Variants in STAB1 observed in about 807,000 individuals in gnomAD.
STAB1 encodes stabilin-1.
In STAB1, 250 loss-of-function variants were observed where a neutral mutation model predicts 332.4. The ratio of observed to expected loss-of-function variants is 0.75; its 90% CI spans 0.68 to 0.84. The LOEUF (loss-of-function observed/expected upper bound fraction) is 0.84, where lower values mean the gene tolerates loss of function less well. STAB1 is among the 40% of genes least tolerant of loss of function. STAB1 has a pLI of 0.00. For missense variants in STAB1, 3,249 were observed against 3,489.7 expected, an observed-to-expected ratio of 0.93 and a Z score of 1.74; for synonymous variants, 1,475 against 1,390.4, an observed-to-expected ratio of 1.06 and a Z score of -1.35.
At chr3:52,504,279 C>A in intron 10 of STAB1, 124 bp downstream of exon 10, 1 of 1,472,108 alleles carries the variant, frequency 6.8e-7, no homozygotes, top group Non-Finnish European at 9.1e-7. Flanking sequence ...AAACAGGTGG[C>A]TGTGGGGGGT....
intron 2 of STAB1, 132 bp downstream of exon 2, chr3:52,501,434 G>T: frequency 7.1e-7 from 1 of 1,402,878 alleles, no homozygotes. Flanking sequence ...CCACCTGGGT[G>T]GTGGAGATAG....
Position 52,502,722 on chromosome 3 carries a change from A to G in STAB1, c.578A>G (p.Asp193Gly). 1 of 1,613,190 alleles carries G rather than the reference A, an allele frequency of 6.2e-7. No homozygotes were observed. Among genetic ancestry groups the G allele is most frequent in the Admixed American group, 1.7e-5 (1 of 60,012 alleles). The change falls in exon 6 of 69, where the codon GAT becomes GGT. Residue 193 changes from aspartate (D) to glycine (G), a missense_variant. Coordinates refer to ENST00000321725, the MANE Select transcript of STAB1 (RefSeq NM_015136.3). ...GCTGGATACACTGGCCCCCACTGTG[A>G]TCAAGGTGAGCAGCGCCACTGGGAT... ...CFAGYTGPHCDQELPVCQELR... is the reference protein window; with the variant it reads ...CFAGYTGPHCGQELPVCQELR...
In STAB1 at chr3:52,522,668, C is replaced by T; in HGVS notation, c.6724C>T (p.Gln2242Ter). The T allele has an allele frequency of 6.2e-7, 1 of 1,612,970 alleles. No individual in the cohort carries two copies. Among genetic ancestry groups the T allele is most frequent in the Non-Finnish European group, 8.5e-7 (1 of 1,180,036 alleles). Reference protein sequence around the residue: ...AQGAVLASFPQLSAAQQLGFH... With the variant: ...AQGAVLASFP ...GGGAGCCGTCCTTGCTTCATTCCCT[C>T]AGCTCTCTGCTGCCCAGCAGGTGTG... is the stretch of plus-strand genomic sequence containing the variant. Residue 2242 changes from glutamine (Q) to a stop codon, truncating the protein, a stop_gained, in exon 61 of 69, where the codon CAG (glutamine) becomes TAG (stop). Coordinates refer to ENST00000321725, the MANE Select transcript of STAB1 (RefSeq NM_015136.3). LOFTEE classifies it high-confidence loss of function.
chr3:52,517,521 G>A, intron 43 of STAB1, 29 bp from the exon 44 acceptor site: 1 of 1,609,576 alleles, frequency 6.2e-7, no homozygotes. Context: ...TTGGCTCCCA[G>A]CAGCCCCACT....
Position 52,519,523 on chromosome 3 carries a change from GC to G in STAB1, c.5197del (p.Gln1733ArgfsTer12), listed in dbSNP as rs748350768. 1 of 1,613,284 alleles carries G rather than the reference GC, an allele frequency of 6.2e-7. No homozygotes were observed. Among genetic ancestry groups the G allele is most frequent in the East Asian group, 2.2e-5 (1 of 44,884 alleles). ...PIPRRNVTAA[A>X]QGFGYKIFSG... ...TCCTCAGAGAAATGTCACCGCCGCC[GC>G]CCAGGGCTTCGGTTACAAGATCTTC... is the stretch of plus-strand genomic sequence containing the variant. On this transcript the variant is annotated frameshift_variant, in exon 50 of 69. Transcript: ENST00000321725. LOFTEE classifies it high-confidence loss of function.
chr3:52,503,855 C>T lies in STAB1; in HGVS notation c.975C>T (p.Ser325=), dbSNP rs1196872337. The change falls in exon 9 of 69, where the codon TCC becomes TCT. Residue 325 remains serine, a synonymous_variant. Coordinates refer to ENST00000321725, the MANE Select transcript of STAB1 (RefSeq NM_015136.3). Reference sequence around the variant, plus strand: ...GCTTCGCCTTCTGCTCCCCCTTCTCCTGCGACCGGTCTGCCACTTGCCAGG... The same window carrying T: ...GCTTCGCCTTCTGCTCCCCCTTCTCTTGCGACCGGTCTGCCACTTGCCAGG... The part of the protein sequence containing the change: ...AGCFAFCSPF[S]CDRSATCQVT... The T allele has an allele frequency of 1.2e-6, 2 of 1,613,264 alleles. No individual in the cohort carries two copies. The highest frequency in any genetic ancestry group is 2.2e-5 in the South Asian group (2 of 91,080).
intron 1 of STAB1, among the ~76,000 whole-genome samples, chr3:52,496,715 G>A (rs554175090): frequency 4.6e-5 from 7 of 152,324 alleles, no homozygotes; most frequent in African/African-American, 7.2e-5. Flanking sequence ...AAAGGCCTCC[G>A]CCACCTCCTC....
chr3:52,515,625 G>A (rs2078837721), intron 37 of STAB1, 119 bp downstream of exon 37: 1 of 1,074,254 alleles, frequency 9.3e-7, no homozygotes, highest in Non-Finnish European at 1.4e-6. Flanking sequence ...GGACTAGGGT[G>A]AGGCCAGAAC....
rs1419833226 is a variant in STAB1 at position 52,516,087 on chromosome 3, A to G, written c.3993A>G (p.Pro1331=). The G allele has an allele frequency of 6.2e-7, 1 of 1,611,692 alleles. No individual in the cohort carries two copies. Among genetic ancestry groups the G allele is most frequent in the East Asian group, 2.2e-5 (1 of 44,866 alleles). Residue 1331 remains proline (P), a synonymous_variant, in exon 38 of 69, where the codon CCA becomes CCG. Transcript: ENST00000321725. The part of the protein sequence containing the change: ...CPGFFGTLCE[P]CPGGLGGVCS... ...GTTTCTTTGGCACGCTGTGTGAGCC[A>G]TGCCCAGGGGGTCTAGGGGGGGTGT... is the stretch of plus-strand genomic sequence containing the variant.
At position 52,512,359 on chromosome 3, in the gene STAB1, G is replaced by C. The variant is rs368867105; in HGVS notation, c.2902G>C (p.Gly968Arg). 8 of 1,612,910 alleles carry C rather than the reference G, an allele frequency of 5.0e-6. No individual in the cohort carries two copies. Among genetic ancestry groups the C allele is most frequent in the Admixed American group, 3.3e-5 (2 of 59,818 alleles). The change falls in exon 27 of 69, where the codon GGG becomes CGG. Residue 968 changes from glycine (G) to arginine (R), a missense_variant. By Grantham distance (125) the Gly-to-Arg change is moderately radical. Coordinates refer to ENST00000321725, the MANE Select transcript of STAB1 (RefSeq NM_015136.3). ...CHGLATCRAV[G>R]GGQRVCTCPP... ...ACCCCAGGCCACCTGCCGGGCAGTG[G>C]GGGGAGGTCAGCGGGTCTGCACGTG...
At position 52,521,493 on chromosome 3, in the gene STAB1, T is replaced by C; in HGVS notation, c.6041T>C (p.Phe2014Ser). The C allele has an allele frequency of 2.5e-6, 4 of 1,613,960 alleles. No individual in the cohort carries two copies. The South Asian group carries it at 3.3e-5, about 13-fold the overall frequency. ...TGTGAACTCTGTGCTCCTGGTGCCT[T>C]TGGGCCCCATTGTCAAGGTGGGCCA... is the stretch of plus-strand genomic sequence containing the variant. ...TACELCAPGA[F>S]GPHCQACRCT... Residue 2014 changes from phenylalanine to serine, a missense_variant, in exon 56 of 69, where the codon TTT becomes TCT. Coordinates refer to ENST00000321725, the MANE Select transcript of STAB1 (RefSeq NM_015136.3).
intron 55 of STAB1, 98 bp downstream of exon 55, chr3:52,521,103 G>A: frequency 7.2e-7 from 1 of 1,389,168 alleles, no homozygotes; most frequent in South Asian, 1.5e-5. Context: ...GGGGCGTCCA[G>A]GGCTGGGGAG....
Position 52,504,140 on chromosome 3 carries a change from G to T in STAB1, c.1135G>T (p.Ala379Ser). The part of the protein sequence containing the change: ...TGRVFLQLRV[A>S]VAMMDQGCRE... ...CCGGGTGTTCCTGCAGCTGAGGGTC[G>T]CCGTGGCCATGATGGGTGCGTGACC... Residue 379 changes from alanine (A) to serine (S), a missense_variant, in exon 10 of 69, where the codon GCC becomes TCC. Coordinates refer to ENST00000321725, the MANE Select transcript of STAB1 (RefSeq NM_015136.3). 6.3e-7 allele frequency: 1 copy of T among 1,588,370 alleles called. No individual in the cohort carries two copies. The highest frequency in any genetic ancestry group is 8.6e-7 in the Non-Finnish European group (1 of 1,169,476).
At chr3:52,515,373 G>C in intron 36 of STAB1, 50 bp from the exon 37 acceptor site, 1 of 1,573,734 alleles carries the variant, frequency 6.4e-7, no homozygotes, top group Non-Finnish European at 8.7e-7. Context: ...TCACTGCCCT[G>C]CCCCTGCCCA....
At chr3:52,502,576 C>T in intron 5 of STAB1, 56 bp from the exon 6 acceptor site, 3 of 1,474,358 alleles carry the variant, frequency 2.0e-6, no homozygotes, top group Non-Finnish European at 2.8e-6. Context: ...ACCCGATGTC[C>T]CAGTGTGTGC....
intron 17 of STAB1, 131 bp downstream of exon 17, chr3:52,506,381 A>T: frequency 1.2e-6 from 1 of 867,914 alleles, no homozygotes; most frequent in Admixed American, 2.1e-5. Context: ...GCTCATGGGG[A>T]AGGAAGCAGG....
In STAB1 at chr3:52,522,163, G is replaced by A. The variant is rs761015777; in HGVS notation, c.6398G>A (p.Arg2133His). 57 of 1,612,594 alleles carry A rather than the reference G, an allele frequency of 3.5e-5. No individual in the cohort carries two copies. The highest frequency in any genetic ancestry group is 4.5e-5 in the Non-Finnish European group (53 of 1,179,978). Residue 2133 changes from arginine to histidine, a missense_variant, in exon 59 of 69, where the codon CGC (arginine) becomes CAC (histidine). Coordinates refer to ENST00000321725, the MANE Select transcript of STAB1 (RefSeq NM_015136.3). ...GGTGATGGCTGGAGCTGCCGGGCCC[G>A]CAACCCCTGCACAGATGGCCACCGC... ...YEGDGWSCRA[R>H]NPCTDGHRGG...
Position 52,495,480 on chromosome 3 carries a change from G to A in STAB1, c.67G>A (p.Val23Ile), listed in dbSNP as rs772133500. ...LAFCLAGFSF[V>I]RGQVLFKGCD... ...CTTCTGCCTGGCAGGCTTCAGCTTC[G>A]TCAGGGGGCAGGTAAGTGTGAGCCA... Residue 23 changes from valine (V) to isoleucine (I), a missense_variant, in exon 1 of 69, where the codon GTC becomes ATC. Transcript: ENST00000321725. 1.5e-6 allele frequency: 2 copies of A among 1,339,090 alleles called. No homozygotes were observed. Among genetic ancestry groups the A allele is most frequent in the South Asian group, 2.5e-5 (1 of 39,934 alleles). 83.0% of individuals were successfully genotyped at this position (1,339,090 alleles called of 1,614,324 possible).
intron 26 of STAB1, 28 bp from the exon 27 acceptor site, chr3:52,512,313 T>A (rs746258845): frequency 3.1e-6 from 5 of 1,607,756 alleles, no homozygotes; most frequent in Non-Finnish European, 4.3e-6. Context: ...TGGTTCTGAA[T>A]GGAGGCCCTT....
Sources: gnomAD v4.1 joint callset for allele counts (sites outside exome capture counted in the v4.1 genomes callset) on GRCh38, gnomAD v4.1.1 for gene constraint, MANE v1.5 for transcripts, NCBI Gene and HGNC (gene_info 2026-07-23, HGNC 2026-07-21) for gene names.